The following INTS3 variants were observed in gnomAD, a reference collection of about 807,000 sequenced individuals.
INTS3 encodes SOSS complex subunit A.
In INTS3, 34 loss-of-function variants were observed where a neutral mutation model predicts 146.3. The ratio of observed to expected loss-of-function variants is 0.23; its 90% confidence interval spans 0.18 to 0.31. The LOEUF is 0.31. INTS3 is among the 10% of genes least tolerant of loss of function. The pLI is 1.00. For missense variants in INTS3, 757 were observed against 1,304.2 expected (o/e 0.58, Z 6.46); for synonymous variants, 475 against 494.9 (o/e 0.96, Z 0.53).
rs373870554 is a variant in INTS3, at chr1:153,732,625, T to G, written c.150+3841T>G. On this transcript the variant is annotated intron_variant, in intron 1 of 29. Transcript: ENST00000318967. The stretch of plus-strand genomic sequence containing the variant: ...CACACCCAGCTACTTTTTTTGCATT[T>G]TTAGTAGAGACGGGGTTTCACCACA... 4.0e-3 allele frequency among the ~76,000 whole-genome samples: 609 copies of G among 151,996 alleles called. 8 individuals carry two copies. The highest frequency in any genetic ancestry group is 0.014 in the African/African-American group (587 of 41,446).
At chr1:153,741,417 G>C in intron 3 of INTS3, 49 bp downstream of exon 3, 1 of 1,326,400 alleles carries the variant, frequency 7.5e-7, no homozygotes, top group Non-Finnish European at 1.1e-6. Flanking sequence ...ATATGATCTG[G>C]GATATGGTGG....
At position 153,728,428 on chromosome 1, in the gene INTS3, A is replaced by C. The variant is rs1048107329; in HGVS notation, c.-207A>C. ...CTTTCCCTCAGCACTGCCACCCCAGAGTCAGGACCCAGAGGACTGTGCCTT... is the reference window on the plus strand; with the variant it reads ...CTTTCCCTCAGCACTGCCACCCCAGCGTCAGGACCCAGAGGACTGTGCCTT... On this transcript the variant is annotated 5_prime_UTR_variant, in exon 1 of 30. Transcript: ENST00000318967. 1 of 549,364 alleles carries C rather than the reference A, an allele frequency of 1.8e-6. No homozygotes were observed. Among genetic ancestry groups the C allele is most frequent in the Non-Finnish European group, 3.2e-6 (1 of 316,968 alleles). The allele number at this position is 549,364 out of a possible 1,614,324, so 34.0% of individuals were successfully genotyped here.
intron 3 of INTS3, among the ~76,000 whole-genome samples, chr1:153,745,246 T>C (rs1252729337): frequency 6.6e-6 from 1 of 150,436 alleles, no homozygotes; most frequent in Admixed American, 6.6e-5. Flanking sequence ...AACCTCCACC[T>C]CCTGGGTTCA....
At chr1:153,743,452 G>T (rs1557992967) in intron 3 of INTS3, among the ~76,000 whole-genome samples, 1 of 152,168 alleles carries the variant, frequency 6.6e-6, no homozygotes. Context: ...GTACTGGCAG[G>T]CAGGTTCAAG....
chr1:153,761,094 C>A (rs1672366235), intron 13 of INTS3, 176 bp downstream of exon 13: 6 of 1,436,246 alleles, frequency 4.2e-6, no homozygotes, highest in Non-Finnish European at 5.5e-6. Flanking sequence ...TTCTCTCCTG[C>A]CATCGTATTA....
At chr1:153,764,341 C>T in intron 18 of INTS3, 120 bp downstream of exon 18, 1 of 697,554 alleles carries the variant, frequency 1.4e-6, no homozygotes, top group Non-Finnish European at 2.6e-6. Context: ...TGTTTTTATT[C>T]TCACATGTAC....
chr1:153,755,812 G>A (rs1406822307), intron 9 of INTS3, among the ~76,000 whole-genome samples: 1 of 152,148 alleles, frequency 6.6e-6, no homozygotes, highest in Non-Finnish European at 1.5e-5. Flanking sequence ...GCCAAGGTGG[G>A]CAGATCACTT....
At chr1:153,754,827 A>AGCC (rs1175251622) in intron 9 of INTS3, 88 bp downstream of exon 9, 4 of 852,078 alleles carry the variant, frequency 4.7e-6, no homozygotes, top group Non-Finnish European at 8.2e-6. Flanking sequence ...ATTGTTTACT[A>AGCC]ACCAGTAGAA....
intron 1 of INTS3, 134 bp from the exon 2 acceptor site, chr1:153,740,517 G>C (rs1671488047): frequency 1.5e-6 from 1 of 681,362 alleles, no homozygotes; most frequent in African/African-American, 1.8e-5. Context: ...TTATCCTCAT[G>C]GTGACTTTAT....
intron 3 of INTS3, among the ~76,000 whole-genome samples, chr1:153,743,589 T>G (rs1272033067): frequency 7.3e-6 from 1 of 136,102 alleles, no homozygotes; most frequent in Non-Finnish European, 1.7e-5. Flanking sequence ...ATGGGGTGGA[T>G]TTTGTCTCAC....
At chr1:153,764,782 GACAGCACACACA>G (rs1171993142) in intron 19 of INTS3, 48 bp downstream of exon 19, 2 of 1,539,410 alleles carry the variant, frequency 1.3e-6, no homozygotes, top group Non-Finnish European at 1.8e-6. Flanking sequence ...CATCCTCCCT[GACAGCACACACA>G]TGTGCTCCTG....
intron 25 of INTS3, among the ~76,000 whole-genome samples, 174 bp from the exon 26 acceptor site, chr1:153,771,622 C>T (rs1023196130): frequency 5.3e-5 from 8 of 152,176 alleles, no homozygotes; most frequent in African/African-American, 1.9e-4. Context: ...CTTCTTCTCT[C>T]CTGGCTTCCA....
chr1:153,771,940 C>T lies in INTS3; in HGVS notation c.2697C>T (p.Asn899=). The change falls in exon 26 of 30, where the codon AAC becomes AAT. Residue 899 remains asparagine (N), a synonymous_variant. Coordinates refer to ENST00000318967, the MANE Select transcript of INTS3 (RefSeq NM_023015.5). ...EHIKSLLIKN[N]SLPRKRQSLR... is the part of the protein sequence containing the mutation. The stretch of plus-strand genomic sequence containing the variant: ...TCAAGTCCCTGCTCATCAAGAACAA[C>T]AGCCTGCCTCGCAAGAGACAGAGGT... 6.2e-7 allele frequency: 1 copy of T among 1,613,832 alleles called. No homozygotes were observed. Among genetic ancestry groups the T allele is most frequent in the East Asian group, 2.2e-5 (1 of 44,862 alleles).
chr1:153,760,841 C>G lies in INTS3; in HGVS notation c.1332C>G (p.Phe444Leu). The change falls in exon 13 of 30, where the codon TTC (phenylalanine) becomes TTG (leucine). Residue 444 changes from phenylalanine (F) to leucine (L), a missense_variant. By Grantham distance (22) the Phe-to-Leu change is conservative (BLOSUM62 0). This residue lies in a region of INTS3 where 97 missense variants were observed against 113.6 expected (regional missense o/e 0.85). Transcript: ENST00000318967. ...TTCGCTTCCAGATCATTCCCAACTT[C>G]TATCCACCATTGGAGGGCCACGTGC... is the stretch of plus-strand genomic sequence containing the variant. ...LDFMCRIIPNFYPPLEGHVRQ... is the reference protein window; with the variant it reads ...LDFMCRIIPNLYPPLEGHVRQ... 1 of 1,613,942 alleles carries G rather than the reference C, an allele frequency of 6.2e-7. No individual in the cohort carries two copies. Among genetic ancestry groups the G allele is most frequent in the South Asian group, 1.1e-5 (1 of 91,082 alleles).
chr1:153,755,247 G>T (rs1047987057), intron 9 of INTS3, among the ~76,000 whole-genome samples: 35 of 151,952 alleles, frequency 2.3e-4, no homozygotes, highest in African/African-American at 8.0e-4. Context: ...GGAATTTGTG[G>T]GGTTTTTTTT....
In INTS3 at chr1:153,731,901, C is replaced by CTTTT. The variant is rs34353204; in HGVS notation, c.150+3138_150+3141dup. 9.0e-4 allele frequency among the ~76,000 whole-genome samples: 59 copies of CTTTT among 65,270 alleles called. 1 individual carries two copies. The highest frequency in any genetic ancestry group is 1.6e-3 in the East Asian group (3 of 1,908). The allele number at this position is 65,270 out of a possible 152,430, so 42.8% of individuals were successfully genotyped here. ...CACCTGGCCCCGCGTCTTTTTTTAA[C>CTTTT]TTTTTTTTTTTTTTTTTTTTTTTTG... On this transcript the variant is annotated intron_variant, in intron 1 of 29. Coordinates refer to ENST00000318967, the MANE Select transcript of INTS3 (RefSeq NM_023015.5).
chr1:153,766,115 C>CTTTT lies in INTS3; in HGVS notation c.2090+1073_2090+1076dup, dbSNP rs542483679. ...TTTTGTGACTTGCTTTTTTCTTTCT[C>CTTTT]TTTTTTTTTTTTTTTTTTTTTTTTG... On this transcript the variant is annotated intron_variant, in intron 20 of 29. Coordinates refer to ENST00000318967, the MANE Select transcript of INTS3 (RefSeq NM_023015.5). Among the ~76,000 whole-genome samples the CTTTT allele has an allele frequency of 3.4e-3, 290 of 84,632 alleles. 5 individuals are homozygous for CTTTT. Among genetic ancestry groups the CTTTT allele is most frequent in the Middle Eastern group, 0.011 (1 of 88 alleles). 55.5% of individuals were successfully genotyped at this position (84,632 alleles called of 152,430 possible).
chr1:153,748,462 A>G (rs1275701181), intron 5 of INTS3: 3 of 586,570 alleles, frequency 5.1e-6, no homozygotes, highest in Middle Eastern at 3.7e-4. Flanking sequence ...GTGGGAAAGT[A>G]GCAGCTCTGG....
chr1:153,761,070 G>A, intron 13 of INTS3, 152 bp downstream of exon 13: 1 of 1,447,692 alleles, frequency 6.9e-7, no homozygotes, highest in Non-Finnish European at 9.1e-7. Flanking sequence ...TGTCTTCTTG[G>A]CTCTTAGAGG....
Sources: gnomAD v4.1 joint callset for allele counts (sites outside exome capture counted in the v4.1 genomes callset) on GRCh38, gnomAD v4.1.1 for gene constraint, gnomAD v4.1.1 regional missense constraint, MANE v1.5 for transcripts, NCBI Gene and HGNC (gene_info 2026-07-23, HGNC 2026-07-21) for gene names.